FERMT2: variants seen among roughly 807,000 people sequenced by gnomAD.
The protein encoded by FERMT2 is fermitin family homolog 2.
A neutral mutation model predicts 82.7 loss-of-function variants in FERMT2; 15 were observed. That is an observed-to-expected ratio of 0.18 (90% CI 0.12 to 0.28). The LOEUF (loss-of-function observed/expected upper bound fraction) is 0.28, where lower values mean the gene tolerates loss of function less well. Ranked by LOEUF, FERMT2 falls within the 10% of genes least tolerant of loss-of-function variation. FERMT2 has a pLI of 1.00. For synonymous variants in FERMT2, 274 were observed against 271.5 expected, an observed-to-expected ratio of 1.01 and a Z score of -0.09; for missense variants, 645 against 809.4, an observed-to-expected ratio of 0.80 and a Z score of 2.46.
chr14:52,935,508 G>A (rs940303766), intron 2 of FERMT2, among the ~76,000 whole-genome samples: 1 of 152,188 alleles, frequency 6.6e-6, no homozygotes, highest in Non-Finnish European at 1.5e-5. Context: ...CTTAGAAGAA[G>A]AGACAGAAGA....
At chr14:52,930,848 G>A (rs887617313) in intron 2 of FERMT2, among the ~76,000 whole-genome samples, 2 of 152,136 alleles carry the variant, frequency 1.3e-5, no homozygotes, top group Non-Finnish European at 1.5e-5. Flanking sequence ...TTGTAAAAAC[G>A]ATGTTTATAA....
At chr14:52,913,987 G>T (rs1016639887) in intron 3 of FERMT2, among the ~76,000 whole-genome samples, 3 of 152,102 alleles carry the variant, frequency 2.0e-5, no homozygotes, top group African/African-American at 4.8e-5. Flanking sequence ...GTCTGTCTCT[G>T]CGTGATCTTG....
intron 2 of FERMT2, among the ~76,000 whole-genome samples, chr14:52,946,495 T>G (rs1250442389): frequency 6.6e-6 from 1 of 151,704 alleles, no homozygotes; most frequent in African/African-American, 2.4e-5. Flanking sequence ...CTACGAAAAA[T>G]TTTAAAAGTC....
At chr14:52,873,948 C>CTT (rs374646717) in intron 9 of FERMT2, among the ~76,000 whole-genome samples, 14 of 139,758 alleles carry the variant, frequency 1.0e-4, no homozygotes, top group African/African-American at 3.2e-4. Context: ...GTTTCACAAT[C>CTT]TTTTTTTTTT....
chr14:52,936,791 G>T (rs2139687281), intron 2 of FERMT2, among the ~76,000 whole-genome samples: 1 of 152,166 alleles, frequency 6.6e-6, no homozygotes, highest in Admixed American at 6.5e-5. Context: ...GGTTCCAGTT[G>T]CCCAGTACAG....
Position 52,893,312 on chromosome 14 carries a change from A to C in FERMT2, c.507T>G (p.Pro169=), listed in dbSNP as rs1238494562. Residue 169 remains proline (P), a synonymous_variant, in exon 4 of 15, where the codon CCT becomes CCG. Transcript: ENST00000341590. The stretch of plus-strand genomic sequence containing the variant: ...TCTTACCTGATCCAGGAGTGATAAG[A>C]GGCCCCTCTAATTCAAGTGCCTCAT... The part of the protein sequence containing the change: ...SEDEALELEG[P]LITPGSGSIY... The C allele has an allele frequency of 6.2e-7, 1 of 1,608,312 alleles. No homozygotes were observed. Among genetic ancestry groups the C allele is most frequent in the Non-Finnish European group, 8.5e-7 (1 of 1,178,566 alleles).
At chr14:52,886,873 A>T (rs1255569508) in intron 4 of FERMT2, among the ~76,000 whole-genome samples, 1 of 152,192 alleles carries the variant, frequency 6.6e-6, no homozygotes, top group South Asian at 2.1e-4. Context: ...CTTAATTTTA[A>T]TACATTTTTT....
chr14:52,936,844 T>C (rs1322811339), intron 2 of FERMT2, among the ~76,000 whole-genome samples: 2 of 152,102 alleles, frequency 1.3e-5, no homozygotes, highest in African/African-American at 2.4e-5. Context: ...CACTACATTA[T>C]AGTAATTACT....
rs763266914 is a variant in FERMT2, at chr14:52,859,689, GTTC to G, written c.1750_1752del (p.Glu584del). The G allele has an allele frequency of 1.1e-5, 18 of 1,596,706 alleles. No individual in the cohort carries two copies. The highest frequency in any genetic ancestry group is 6.9e-5 in the Admixed American group (4 of 58,078). ...AGTCTGTTGTATGCAATTCCAATAA[GTTC>G]TTCTTTTTTGCCCCCTTGGAACCTA... On this transcript the variant is annotated inframe_deletion, in exon 14 of 15. Transcript: ENST00000341590.
intron 2 of FERMT2, among the ~76,000 whole-genome samples, chr14:52,939,373 CAAA>C (rs35130630): frequency 4.3e-5 from 4 of 93,240 alleles, no homozygotes; most frequent in African/African-American, 4.4e-5. Flanking sequence ...ACTACGGTCT[CAAA>C]AAAAAAAAAA....
intron 2 of FERMT2, among the ~76,000 whole-genome samples, chr14:52,931,252 T>C (rs1440396763): frequency 6.6e-6 from 1 of 152,066 alleles, no homozygotes; most frequent in Non-Finnish European, 1.5e-5. Flanking sequence ...ACAAGTAAAA[T>C]GAGCTAAAAA....
In FERMT2 at chr14:52,885,073, G is replaced by A. The variant is rs1274272601; in HGVS notation, c.527-3604C>T. 4.0e-5 allele frequency among the ~76,000 whole-genome samples: 6 copies of A among 151,878 alleles called. No homozygotes were observed. In the East Asian group the frequency reaches 9.7e-4, roughly 24 times the overall value. On this transcript the variant is annotated intron_variant, in intron 4 of 14. Coordinates refer to ENST00000341590, the MANE Select transcript of FERMT2 (RefSeq NM_006832.3). ...CATGCCTGTAATGCCCGCACTTTGA[G>A]AGGCCAAGGCGGGTGGATCACCTGA... is the stretch of plus-strand genomic sequence containing the variant.
chr14:52,857,900 C>T lies in FERMT2; in HGVS notation c.*477G>A, dbSNP rs1420315696. ...ACAATGACATTACTAAATATCAGGC[C>T]TCCTGCATGCCTGATTTATTTGGGG... On this transcript the variant is annotated 3_prime_UTR_variant, in exon 15 of 15. Coordinates refer to ENST00000341590, the MANE Select transcript of FERMT2 (RefSeq NM_006832.3). 1 of 154,540 alleles carries T rather than the reference C, an allele frequency of 6.5e-6. No individual in the cohort carries two copies. The highest frequency in any genetic ancestry group is 2.4e-5 in the African/African-American group (1 of 41,420). The allele number at this position is 154,540 out of a possible 1,614,324, so 9.6% of individuals were successfully genotyped here.
At chr14:52,928,721 C>G (rs1035752732) in intron 2 of FERMT2, among the ~76,000 whole-genome samples, 3 of 152,194 alleles carry the variant, frequency 2.0e-5, no homozygotes. Flanking sequence ...TCCTCCTTCT[C>G]AGTAGACAAC....
intron 2 of FERMT2, among the ~76,000 whole-genome samples, chr14:52,925,499 C>CA (rs368784699): frequency 2.0e-4 from 29 of 141,884 alleles, no homozygotes; most frequent in African/African-American, 7.8e-4. Flanking sequence ...GCAGAGGTTG[C>CA]AGTGAACCAA....
intron 3 of FERMT2, among the ~76,000 whole-genome samples, chr14:52,916,460 A>C (rs903385290): frequency 6.6e-6 from 1 of 152,216 alleles, no homozygotes; most frequent in East Asian, 1.9e-4. Context: ...AAAAGGCTAC[A>C]TACTGTATGA....
intron 3 of FERMT2, among the ~76,000 whole-genome samples, chr14:52,913,981 G>C (rs530762290): frequency 1.3e-5 from 2 of 152,066 alleles, no homozygotes; most frequent in Non-Finnish European, 2.9e-5. Flanking sequence ...GTTCTTGTCT[G>C]TCTCTGCGTG....
At chr14:52,878,908 A>T (rs1427889198) in intron 6 of FERMT2, among the ~76,000 whole-genome samples, 1 of 152,242 alleles carries the variant, frequency 6.6e-6, no homozygotes, top group African/African-American at 2.4e-5. Flanking sequence ...ATTAAAAATG[A>T]CATTAAAATA....
At chr14:52,873,504 C>T (rs1244938198) in intron 9 of FERMT2, among the ~76,000 whole-genome samples, 1 of 151,984 alleles carries the variant, frequency 6.6e-6, no homozygotes, top group South Asian at 2.1e-4. Context: ...AAAGGTGGGT[C>T]AAGGGGGAAG....
Sources: gnomAD v4.1 joint callset for allele counts (sites outside exome capture counted in the v4.1 genomes callset) on GRCh38, gnomAD v4.1.1 for gene constraint, MANE v1.5 for transcripts, NCBI Gene and HGNC (gene_info 2026-07-23, HGNC 2026-07-21) for gene names.